The following SLC4A4 variants were observed in gnomAD, a reference collection of about 807,000 sequenced individuals.
The protein encoded by SLC4A4 is solute carrier family 4 member 4.
Under a neutral mutation model 111.5 loss-of-function variants are expected in SLC4A4, and 27 were observed. That is an observed-to-expected ratio of 0.24 (90% CI 0.18 to 0.33). The LOEUF (loss-of-function observed/expected upper bound fraction) is 0.33. Ranked by LOEUF, SLC4A4 falls within the 10% of genes least tolerant of loss-of-function variation. The probability of loss-of-function intolerance (pLI) is 1.00; values close to 1 mark genes in which losing one functional copy is unlikely to be tolerated. For missense variants in SLC4A4, 909 were observed against 1,315.5 expected (o/e 0.69, Z 4.78); for synonymous variants, 443 against 463.4 (o/e 0.96, Z 0.57).
chr4:71,540,249 A>C (rs952070655), intron 18 of SLC4A4, among the ~76,000 whole-genome samples: 1 of 152,108 alleles, frequency 6.6e-6, no homozygotes, highest in Non-Finnish European at 1.5e-5. Flanking sequence ...TGCATGTCCC[A>C]GTGTTTACTG....
chr4:71,320,032 A>T (rs948992636), intron 3 of SLC4A4, among the ~76,000 whole-genome samples: 1 of 151,984 alleles, frequency 6.6e-6, no homozygotes, highest in East Asian at 1.9e-4. Context: ...GGATATAGGA[A>T]TCAGCTGCTG....
At chr4:71,161,398 G>A (rs1037259947) in intron 2 of SLC4A4, among the ~76,000 whole-genome samples, 1 of 152,174 alleles carries the variant, frequency 6.6e-6, no homozygotes, top group Non-Finnish European at 1.5e-5. Flanking sequence ...CAGTGACAGG[G>A]AATGTGGAGA....
intron 1 of SLC4A4, among the ~76,000 whole-genome samples, chr4:71,190,347 G>A (rs1271403254): frequency 6.6e-6 from 1 of 151,208 alleles, no homozygotes; most frequent in Non-Finnish European, 1.5e-5. Flanking sequence ...CAGCAATAGG[G>A]ATGGAGTCTC....
chr4:71,543,070 A>T lies in SLC4A4; in HGVS notation c.2443-3280A>T, dbSNP rs571134622. On this transcript the variant is annotated intron_variant, in intron 18 of 25. Transcript: ENST00000264485. ...CAATGTGACACCGCAAATGTGGCTG[A>T]TGTTGTGAAGGAGAAGGAGATGGTA... Among the ~76,000 whole-genome samples, 5 of 152,214 alleles carry T rather than the reference A, an allele frequency of 3.3e-5. No individual in the cohort carries two copies. The South Asian group carries it at 1.0e-3, about 32-fold the overall frequency.
At chr4:71,195,240 T>G (rs3073748) in intron 1 of SLC4A4, among the ~76,000 whole-genome samples, 8 of 125,940 alleles carry the variant, frequency 6.4e-5, no homozygotes, top group Admixed American at 3.3e-4. Context: ...GTTTTTTTTT[T>G]TTTTTTTTTT....
At chr4:71,304,720 C>T (rs1486172167) in intron 3 of SLC4A4, among the ~76,000 whole-genome samples, 3 of 152,164 alleles carry the variant, frequency 2.0e-5, no homozygotes, top group Admixed American at 6.5e-5. Flanking sequence ...AATTCTGGGT[C>T]CAGATTCTCA....
intron 8 of SLC4A4, among the ~76,000 whole-genome samples, chr4:71,443,112 CTCTCTATATATATA>C (rs1365074616): frequency 1.5e-4 from 15 of 97,658 alleles, no homozygotes; most frequent in East Asian, 7.4e-4. Flanking sequence ...CTCTCTCTCT[CTCTCTATATATATA>C]TATATATATA....
At chr4:71,264,263 CTAT>C (rs1206512736) in intron 3 of SLC4A4, among the ~76,000 whole-genome samples, 2 of 152,144 alleles carry the variant, frequency 1.3e-5, no homozygotes, top group Non-Finnish European at 2.9e-5. Context: ...TAGCAGAATT[CTAT>C]TATTTAAAAA....
chr4:71,465,509 C>T (rs73828158), intron 12 of SLC4A4, among the ~76,000 whole-genome samples: 3,370 of 149,628 alleles, frequency 0.023, 129 homozygotes, highest in African/African-American at 0.077. Flanking sequence ...TTGCCATTAC[C>T]CTAATTATTT....
chr4:71,163,516 C>T (rs937141401), intron 2 of SLC4A4, among the ~76,000 whole-genome samples: 3 of 152,080 alleles, frequency 2.0e-5, no homozygotes, highest in Admixed American at 6.6e-5. Flanking sequence ...TTATCTCAGT[C>T]GGCTTCAACA....
intron 2 of SLC4A4, among the ~76,000 whole-genome samples, chr4:71,153,427 T>C (rs539366002): frequency 1.3e-5 from 2 of 152,122 alleles, no homozygotes; most frequent in Non-Finnish European, 2.9e-5. Flanking sequence ...ACAACTGGCT[T>C]CCTGGAAGTA....
intron 5 of SLC4A4, among the ~76,000 whole-genome samples, chr4:71,355,653 G>A (rs918839277): frequency 7.9e-5 from 12 of 152,318 alleles, no homozygotes; most frequent in Admixed American, 6.5e-5. Context: ...ACAGTTGATA[G>A]TACATTGTGT....
At chr4:71,229,362 A>C (rs988848016) in intron 1 of SLC4A4, among the ~76,000 whole-genome samples, 1 of 152,218 alleles carries the variant, frequency 6.6e-6, no homozygotes, top group Non-Finnish European at 1.5e-5. Flanking sequence ...TGCTGTAAAC[A>C]TTCATGTACA....
At chr4:71,561,058 A>T (rs763209815) in intron 23 of SLC4A4, among the ~76,000 whole-genome samples, 1 of 151,750 alleles carries the variant, frequency 6.6e-6, no homozygotes, top group African/African-American at 2.4e-5. Flanking sequence ...TTGCCAAAAT[A>T]ATGTTTTCCA....
intron 15 of SLC4A4, among the ~76,000 whole-genome samples, chr4:71,496,242 T>G (rs1730392989): frequency 6.6e-6 from 1 of 152,088 alleles, no homozygotes; most frequent in African/African-American, 2.4e-5. Context: ...TTAGAGGCCA[T>G]TAACTTTTGG....
intron 3 of SLC4A4, among the ~76,000 whole-genome samples, chr4:71,332,288 C>T (rs1412343241): frequency 6.6e-6 from 1 of 151,836 alleles, no homozygotes; most frequent in Non-Finnish European, 1.5e-5. Flanking sequence ...AGTTTTTCTA[C>T]TTTTTAAATT....
At chr4:71,354,695 A>G (rs1730128819) in intron 5 of SLC4A4, among the ~76,000 whole-genome samples, 1 of 152,262 alleles carries the variant, frequency 6.6e-6, no homozygotes, top group South Asian at 2.1e-4. Context: ...TTGTTTCTCT[A>G]GAGCTTAGTT....
At chr4:71,536,718 A>T in intron 18 of SLC4A4, among the ~76,000 whole-genome samples, 1 of 148,132 alleles carries the variant, frequency 6.8e-6, no homozygotes, top group East Asian at 2.0e-4. Context: ...CTGGTCTTGA[A>T]CTCCTGACCT....
intron 2 of SLC4A4, among the ~76,000 whole-genome samples, chr4:71,099,297 A>T (rs1367226203): frequency 1.3e-5 from 2 of 152,176 alleles, no homozygotes; most frequent in Non-Finnish European, 2.9e-5. Context: ...GACTAAAAAC[A>T]TGCTGAAAAC....
Sources: allele counts gnomAD v4.1 joint callset (sites outside exome capture counted in the v4.1 genomes callset), GRCh38; gene constraint gnomAD v4.1.1; transcripts MANE v1.5; gene names NCBI Gene and HGNC (gene_info 2026-07-23, HGNC 2026-07-21).